The following TTC7B variants were observed in gnomAD, a reference collection of about 807,000 sequenced individuals.
TTC7B encodes tetratricopeptide repeat domain 7B.
Under a neutral mutation model 106.8 loss-of-function variants are expected in TTC7B, and 28 were observed. The ratio of observed to expected loss-of-function variants is 0.26; its 90% CI spans 0.19 to 0.36. The LOEUF (loss-of-function observed/expected upper bound fraction) is 0.36, where lower values mean the gene tolerates loss of function less well. Ranked by LOEUF, TTC7B falls within the 10% of genes least tolerant of loss-of-function variation. The pLI is 1.00. For missense variants in TTC7B, 862 were observed against 1,076.4 expected (o/e 0.80, Z 2.79); for synonymous variants, 405 against 430.6 (o/e 0.94, Z 0.74).
chr14:90,665,622 T>C (rs988976763), intron 9 of TTC7B, among the ~76,000 whole-genome samples: 2 of 152,230 alleles, frequency 1.3e-5, no homozygotes. Context: ...CAAATCCCAC[T>C]GGGGAGGGGG....
chr14:90,699,243 G>T, intron 5 of TTC7B: 2 of 454,862 alleles, frequency 4.4e-6, no homozygotes, highest in South Asian at 3.1e-5. Flanking sequence ...AACCAAGGAG[G>T]AAATGTAAAT....
intron 13 of TTC7B, 106 bp downstream of exon 13, chr14:90,652,735 G>A (rs1885782207): frequency 7.6e-7 from 1 of 1,310,846 alleles, no homozygotes; most frequent in Admixed American, 1.8e-5. Flanking sequence ...GACTCTCAGG[G>A]GTAAAACACT....
At chr14:90,705,397 GAGA>G (rs1291001918) in intron 5 of TTC7B, among the ~76,000 whole-genome samples, 1 of 152,148 alleles carries the variant, frequency 6.6e-6, no homozygotes, top group Non-Finnish European at 1.5e-5. Flanking sequence ...GTCCCAGAGA[GAGA>G]AGAAGGGAGT....
At chr14:90,635,267 A>G (rs1002336021) in intron 15 of TTC7B, among the ~76,000 whole-genome samples, 3 of 151,640 alleles carry the variant, frequency 2.0e-5, no homozygotes, top group Non-Finnish European at 1.5e-5. Context: ...TTTCCATATT[A>G]GCAGAGAAAA....
At chr14:90,719,290 A>G (rs1466957059) in intron 5 of TTC7B, among the ~76,000 whole-genome samples, 1 of 152,142 alleles carries the variant, frequency 6.6e-6, no homozygotes, top group East Asian at 1.9e-4. Flanking sequence ...ACAAACAAAA[A>G]CAACAAAAAT....
At chr14:90,779,893 A>T (rs944289752) in intron 3 of TTC7B, among the ~76,000 whole-genome samples, 1 of 152,224 alleles carries the variant, frequency 6.6e-6, no homozygotes, top group African/African-American at 2.4e-5. Flanking sequence ...GTACACAGTT[A>T]ACTAAGAGAG....
chr14:90,641,790 C>G (rs1020349551), intron 15 of TTC7B, among the ~76,000 whole-genome samples: 2 of 152,182 alleles, frequency 1.3e-5, no homozygotes, highest in African/African-American at 4.8e-5. Context: ...GGAGGCATTA[C>G]CATATTAGCC....
At chr14:90,714,743 C>T (rs989848634) in intron 5 of TTC7B, among the ~76,000 whole-genome samples, 1 of 152,090 alleles carries the variant, frequency 6.6e-6, no homozygotes, top group Non-Finnish European at 1.5e-5. Flanking sequence ...AGGCGTGAGC[C>T]ACCATGCCCC....
At chr14:90,561,062 G>T (rs939337626) in intron 19 of TTC7B, among the ~76,000 whole-genome samples, 1 of 152,212 alleles carries the variant, frequency 6.6e-6, no homozygotes, top group Non-Finnish European at 1.5e-5. Context: ...CGCAGGGATC[G>T]CTCACTTGCG....
intron 19 of TTC7B, among the ~76,000 whole-genome samples, chr14:90,572,383 C>T (rs188261098): frequency 8.8e-4 from 134 of 152,340 alleles, no homozygotes; most frequent in African/African-American, 2.9e-3. Context: ...ATCCATAAGA[C>T]ATATCCACTG....
chr14:90,777,637 A>G (rs1406072960), intron 3 of TTC7B, among the ~76,000 whole-genome samples: 1 of 152,144 alleles, frequency 6.6e-6, no homozygotes, highest in South Asian at 2.1e-4. Flanking sequence ...TAGGGGAGGG[A>G]CCAACATTCA....
chr14:90,647,184 A>G (rs1309961490), intron 13 of TTC7B, 161 bp from the exon 14 acceptor site: 2 of 643,800 alleles, frequency 3.1e-6, no homozygotes, highest in Non-Finnish European at 5.6e-6. Context: ...CCACCTACAC[A>G]TGTAAACCAT....
intron 13 of TTC7B, among the ~76,000 whole-genome samples, chr14:90,647,597 G>T (rs1885518523): frequency 7.7e-6 from 1 of 130,252 alleles, no homozygotes; most frequent in South Asian, 2.8e-4. Context: ...GCCGTTCACT[G>T]ATTTATTGCA....
rs976769624 is a variant in TTC7B at position 90,608,085 on chromosome 14, C to T, written c.1966+2657G>A. Reference sequence around the variant, plus strand: ...TAAACAATCTGTGTTGTGGGTGGTTCGCAAGGCGGGCTCTCCACACAGGTG... The same window carrying T: ...TAAACAATCTGTGTTGTGGGTGGTTTGCAAGGCGGGCTCTCCACACAGGTG... On this transcript the variant is annotated intron_variant, in intron 17 of 19. Transcript: ENST00000328459. This position sits in a 1 kb window ranked among gnomAD's most constrained non-coding sequence, Gnocchi z 5.1. Among the ~76,000 whole-genome samples, 3 of 152,106 alleles carry T rather than the reference C, an allele frequency of 2.0e-5. No homozygotes were observed. The highest frequency in any genetic ancestry group is 4.8e-5 in the African/African-American group (2 of 41,406).
chr14:90,714,469 T>C (rs1308800673), intron 5 of TTC7B, among the ~76,000 whole-genome samples: 5 of 151,788 alleles, frequency 3.3e-5, no homozygotes, highest in South Asian at 2.1e-4. Flanking sequence ...TTTTTTTTTT[T>C]TTTTTAGAGA....
chr14:90,793,876 G>A (rs1224976344), intron 1 of TTC7B, among the ~76,000 whole-genome samples: 9 of 151,636 alleles, frequency 5.9e-5, no homozygotes, highest in Non-Finnish European at 1.0e-4. Flanking sequence ...CCAAAGTGCT[G>A]GGATTATAGG....
intron 18 of TTC7B, among the ~76,000 whole-genome samples, chr14:90,584,168 G>A (rs1380123684): frequency 6.6e-6 from 1 of 152,178 alleles, no homozygotes; most frequent in African/African-American, 2.4e-5. Context: ...GGGCTTCCTG[G>A]AATGGTTTGT....
intron 19 of TTC7B, among the ~76,000 whole-genome samples, chr14:90,555,600 G>C (rs1262324995): frequency 6.6e-6 from 1 of 152,236 alleles, no homozygotes; most frequent in Non-Finnish European, 1.5e-5. Flanking sequence ...GCGCCATTCT[G>C]CCGACTGTGT....
At position 90,730,428 on chromosome 14, in the gene TTC7B, C is replaced by T. The variant is rs182980545; in HGVS notation, c.577-232G>A. On this transcript the variant is annotated intron_variant, in intron 4 of 19. Transcript: ENST00000328459. ...CACAGGGCCCTCCTGGTACCGAAAG[C>T]TGAGGAGTCGGGGGTGCTGATGAGC... Among the ~76,000 whole-genome samples, 106 of 152,278 alleles carry T rather than the reference C, an allele frequency of 7.0e-4. 2 individuals carry two copies. Among genetic ancestry groups the T allele is most frequent in the Non-Finnish European group, 7.9e-4 (54 of 68,026 alleles).
Sources: gnomAD v4.1 joint callset for allele counts (sites outside exome capture counted in the v4.1 genomes callset) on GRCh38, gnomAD v4.1.1 for gene constraint, Gnocchi (gnomAD v3.1) non-coding constraint, MANE v1.5 for transcripts, NCBI Gene and HGNC (gene_info 2026-07-23, HGNC 2026-07-21) for gene names.